Variants in PDE3B observed in about 807,000 individuals in gnomAD.
The protein encoded by PDE3B is phosphodiesterase 3B.
A neutral mutation model predicts 116.8 loss-of-function variants in PDE3B; 66 were observed. The observed-to-expected ratio is 0.56, with a 90% CI of 0.46 to 0.69. The LOEUF is 0.69. Ranked by LOEUF, PDE3B falls within the 30% of genes least tolerant of loss-of-function variation. The pLI is 0.00. For synonymous variants in PDE3B, 595 were observed against 533.6 expected, an observed-to-expected ratio of 1.12 and a Z score of -1.59; for missense variants, 1,384 against 1,368.1, an observed-to-expected ratio of 1.01 and a Z score of -0.18.
chr11:14,739,741 G>T (rs1170830553), intron 1 of PDE3B, among the ~76,000 whole-genome samples: 1 of 152,140 alleles, frequency 6.6e-6, no homozygotes, highest in African/African-American at 2.4e-5. Context: ...CTCTGGGTTT[G>T]TCATAAATAG....
chr11:14,700,221 A>G (rs1357151100), intron 1 of PDE3B, among the ~76,000 whole-genome samples: 1 of 151,736 alleles, frequency 6.6e-6, no homozygotes, highest in East Asian at 1.9e-4. Flanking sequence ...GAAAATTAAG[A>G]GTTTCATTTT....
At chr11:14,661,687 C>T (rs546718670) in intron 1 of PDE3B, among the ~76,000 whole-genome samples, 25 of 152,206 alleles carry the variant, frequency 1.6e-4, no homozygotes, top group East Asian at 3.9e-4. Context: ...TCCTAGCCCA[C>T]GGAGTCTCAC....
At chr11:14,792,255 T>C (rs1858412384) in intron 4 of PDE3B, among the ~76,000 whole-genome samples, 1 of 152,162 alleles carries the variant, frequency 6.6e-6, no homozygotes, top group African/African-American at 2.4e-5. Flanking sequence ...TGGAAAGCTT[T>C]CTAGGTAAAA....
chr11:14,740,386 C>T (rs951201762), intron 1 of PDE3B, among the ~76,000 whole-genome samples: 2 of 152,154 alleles, frequency 1.3e-5, no homozygotes, highest in Non-Finnish European at 1.5e-5. Context: ...AGTTTATTTG[C>T]ATAGAGATGT....
intron 1 of PDE3B, among the ~76,000 whole-genome samples, chr11:14,748,974 C>A (rs542230118): frequency 1.8e-4 from 27 of 151,604 alleles, no homozygotes; most frequent in African/African-American, 6.3e-4. Context: ...CTGCAGCTTC[C>A]GCCGCCTGGG....
At chr11:14,863,227 C>A (rs1475843352) in intron 14 of PDE3B, among the ~76,000 whole-genome samples, 2 of 152,180 alleles carry the variant, frequency 1.3e-5, no homozygotes, top group Non-Finnish European at 1.5e-5. Context: ...TTTTTTATAA[C>A]TGCATAGTAT....
chr11:14,859,221 A>T lies in PDE3B; in HGVS notation c.2699A>T (p.Asp900Val). 6.2e-7 allele frequency: 1 copy of T among 1,611,056 alleles called. No individual in the cohort carries two copies. The highest frequency in any genetic ancestry group is 8.5e-7 in the Non-Finnish European group (1 of 1,178,872). ...ILATDLKKHFDFLAEFNAKAN... is the reference protein window; with the variant it reads ...ILATDLKKHFVFLAEFNAKAN... Reference sequence around the variant, plus strand: ...GCTACGGATCTTAAAAAGCATTTTGATTTTCTCGCAGAATTCAATGCCAAG... The same window carrying T: ...GCTACGGATCTTAAAAAGCATTTTGTTTTTCTCGCAGAATTCAATGCCAAG... The change falls in exon 13 of 16, where the codon GAT (aspartate) becomes GTT (valine). Residue 900 changes from aspartate to valine, a missense_variant. Asp to Val is a radical substitution (Grantham distance 152). This residue lies in a region of PDE3B where 428 missense variants were observed against 561.4 expected (regional missense o/e 0.76). Coordinates refer to ENST00000282096, the MANE Select transcript of PDE3B (RefSeq NM_000922.4).
the PDE3B span, among the ~76,000 whole-genome samples, chr11:14,882,094 T>A: frequency 2.0e-5 from 3 of 152,124 alleles, no homozygotes; most frequent in African/African-American, 7.2e-5. Context: ...CCATTCTTTT[T>A]TCTATACTCC....
chr11:14,773,693 A>G (rs1246164516), intron 2 of PDE3B: 1 of 152,016 alleles, frequency 6.6e-6, no homozygotes, highest in Non-Finnish European at 1.5e-5. Context: ...TTTTCTTCTA[A>G]CAATTGAGTT....
intron 1 of PDE3B, among the ~76,000 whole-genome samples, chr11:14,754,154 T>G (rs972171164): frequency 6.6e-6 from 1 of 152,056 alleles, no homozygotes; most frequent in African/African-American, 2.4e-5. Flanking sequence ...GAGGGAGAAT[T>G]AGTTCACTTT....
intron 1 of PDE3B, among the ~76,000 whole-genome samples, chr11:14,756,129 C>A (rs1857174394): frequency 6.6e-6 from 1 of 152,158 alleles, no homozygotes. Context: ...GAGATATTCT[C>A]ATTTTCCATC....
chr11:14,883,518 T>C, the PDE3B span, among the ~76,000 whole-genome samples: 1 of 151,126 alleles, frequency 6.6e-6, no homozygotes, highest in South Asian at 2.1e-4. Context: ...CCTTACACCT[T>C]ATACAAAAAT....
At chr11:14,812,561 A>G (rs1285434316) in intron 5 of PDE3B, among the ~76,000 whole-genome samples, 2 of 152,224 alleles carry the variant, frequency 1.3e-5, no homozygotes, top group Non-Finnish European at 2.9e-5. Flanking sequence ...TAAGTTTCAC[A>G]GCAAAGTAAA....
intron 14 of PDE3B, among the ~76,000 whole-genome samples, chr11:14,866,635 C>T (rs1271320363): frequency 6.6e-6 from 1 of 152,106 alleles, no homozygotes; most frequent in Non-Finnish European, 1.5e-5. Context: ...CTGGTTGTTT[C>T]CTCAGAGTTA....
intron 4 of PDE3B, among the ~76,000 whole-genome samples, chr11:14,797,447 T>G (rs1017772147): frequency 2.0e-5 from 3 of 152,192 alleles, no homozygotes; most frequent in African/African-American, 7.2e-5. Flanking sequence ...TTTAAAGTAG[T>G]TTTTTCTAAT....
chr11:14,751,014 A>G (rs1324121753), intron 1 of PDE3B, among the ~76,000 whole-genome samples: 1 of 152,124 alleles, frequency 6.6e-6, no homozygotes, highest in East Asian at 1.9e-4. Context: ...TACAATAGGC[A>G]TGTTGTCTAT....
intron 1 of PDE3B, among the ~76,000 whole-genome samples, chr11:14,680,628 A>G (rs1854673671): frequency 6.6e-6 from 1 of 152,214 alleles, no homozygotes; most frequent in Admixed American, 6.5e-5. Flanking sequence ...ATGTACACTT[A>G]TTGTTATACA....
At chr11:14,674,066 G>A (rs1391213796) in intron 1 of PDE3B, 2 of 1,528,736 alleles carry the variant, frequency 1.3e-6, no homozygotes, top group Non-Finnish European at 9.1e-7. Flanking sequence ...CACAGTTTTA[G>A]CTCTTCAGGA....
intron 1 of PDE3B, among the ~76,000 whole-genome samples, chr11:14,761,242 A>G (rs1323500153): frequency 6.6e-6 from 1 of 152,142 alleles, no homozygotes; most frequent in Non-Finnish European, 1.5e-5. Context: ...TTTCCTTTCT[A>G]TGCCATTTGG....
Sources: allele counts gnomAD v4.1 joint callset (sites outside exome capture counted in the v4.1 genomes callset), GRCh38; gene constraint gnomAD v4.1.1; regional missense constraint gnomAD v4.1.1; transcripts MANE v1.5; gene names NCBI Gene and HGNC (gene_info 2026-07-23, HGNC 2026-07-21).